The following TENM2 variants were observed in gnomAD, a reference collection of about 807,000 sequenced individuals.
TENM2 encodes the protein teneurin transmembrane protein 2.
Under a neutral mutation model 245.2 loss-of-function variants are expected in TENM2, and 52 were observed. That is an observed-to-expected ratio of 0.21 (90% CI 0.17 to 0.27). The LOEUF is 0.27. TENM2 is among the 10% of genes least tolerant of loss of function. TENM2 has a pLI of 1.00. For synonymous variants in TENM2, 1,363 were observed against 1,438.9 expected (o/e 0.95, Z 1.19); for missense variants, 3,046 against 3,666.8 (o/e 0.83, Z 4.37).
the TENM2 span, among the ~76,000 whole-genome samples, chr5:167,019,358 G>T: frequency 2.6e-5 from 4 of 152,158 alleles, no homozygotes; most frequent in East Asian, 5.8e-4. Context: ...AAGGCAAAAT[G>T]GGCTGGTAGG....
chr5:167,775,047 G>T (rs548166327), intron 2 of TENM2, among the ~76,000 whole-genome samples: 2 of 152,048 alleles, frequency 1.3e-5, no homozygotes, highest in Non-Finnish European at 2.9e-5. Context: ...TCGGCTCACC[G>T]CAACCTCCAC....
chr5:167,176,220 C>T, the TENM2 span, among the ~76,000 whole-genome samples: 3 of 152,172 alleles, frequency 2.0e-5, no homozygotes, highest in Middle Eastern at 3.2e-3. Flanking sequence ...TCTCACCCAA[C>T]CCAGTTATTT....
rs35686967 is a variant in TENM2, at chr5:168,128,963, GAA to G, written c.2422+2011_2422+2012del. 934 of 141,888 alleles carry G rather than the reference GAA, an allele frequency of 6.6e-3. 9 individuals are homozygous for G. The highest frequency in any genetic ancestry group is 0.018 in the African/African-American group (686 of 38,444). The allele number at this position is 141,888 out of a possible 1,614,324, so 8.8% of individuals were successfully genotyped here. On this transcript the variant is annotated intron_variant, in intron 12 of 28. Coordinates refer to ENST00000518659, the Ensembl canonical transcript of TENM2. ...AAGCTGCTTGTGTGGCCCGTTATGGGAAAAAAAAAAAAAAAGGCTAACTCCTG... is the reference window on the plus strand; with the variant it reads ...AAGCTGCTTGTGTGGCCCGTTATGGGAAAAAAAAAAAAAGGCTAACTCCTG...
At chr5:167,423,703 A>C (rs941045031) in intron 2 of TENM2, among the ~76,000 whole-genome samples, 1 of 152,186 alleles carries the variant, frequency 6.6e-6, no homozygotes, top group African/African-American at 2.4e-5. Context: ...TAAGCATTAT[A>C]CTGAGAAAAC....
At chr5:167,851,325 T>C (rs1421978) in intron 2 of TENM2, among the ~76,000 whole-genome samples, 66,921 of 152,020 alleles carry the variant, frequency 0.44, 16,972 homozygotes, top group Non-Finnish European at 0.57. Context: ...CTTGTGTGCA[T>C]AGTCATTGAC....
chr5:167,810,274 G>A (rs190646806), intron 2 of TENM2, among the ~76,000 whole-genome samples: 113 of 152,162 alleles, frequency 7.4e-4, no homozygotes, highest in Non-Finnish European at 1.4e-3. Flanking sequence ...ATAGTATTCT[G>A]AGGCGATGGC....
chr5:167,892,714 A>G (rs1163137529), intron 3 of TENM2, among the ~76,000 whole-genome samples: 1 of 152,210 alleles, frequency 6.6e-6, no homozygotes, highest in Non-Finnish European at 1.5e-5. Context: ...ATAGTTCTGC[A>G]AAAACCCTCT....
chr5:167,579,929 T>C (rs936182368), intron 2 of TENM2, among the ~76,000 whole-genome samples: 12 of 152,188 alleles, frequency 7.9e-5, no homozygotes, highest in Admixed American at 2.6e-4. Context: ...AGCCTTGTAC[T>C]TGGGAAGGAT....
chr5:167,843,182 CAAA>C (rs770784658), intron 2 of TENM2, among the ~76,000 whole-genome samples: 2 of 152,122 alleles, frequency 1.3e-5, no homozygotes, highest in Admixed American at 6.6e-5. Context: ...TGACTTCTGA[CAAA>C]TGATGAAACA....
At chr5:167,038,767 T>TAA in the TENM2 span, among the ~76,000 whole-genome samples, 1 of 152,170 alleles carries the variant, frequency 6.6e-6, no homozygotes, top group Non-Finnish European at 1.5e-5. Flanking sequence ...CTTTTAGAGA[T>TAA]TATTAAGAAT....
At chr5:167,033,085 T>A in the TENM2 span, among the ~76,000 whole-genome samples, 1 of 152,124 alleles carries the variant, frequency 6.6e-6, no homozygotes, top group South Asian at 2.1e-4. Flanking sequence ...AGCCCATAGG[T>A]TTGCTGGAAT....
chr5:167,993,391 A>G (rs1405876193), intron 5 of TENM2, among the ~76,000 whole-genome samples: 2 of 152,218 alleles, frequency 1.3e-5, no homozygotes, highest in Non-Finnish European at 2.9e-5. Context: ...TTTCTAAATG[A>G]CATCCATCAG....
At chr5:168,110,250 T>G (rs1238259419) in intron 9 of TENM2, among the ~76,000 whole-genome samples, 1 of 151,958 alleles carries the variant, frequency 6.6e-6, no homozygotes, top group Non-Finnish European at 1.5e-5. Context: ...AAAGGGTGCT[T>G]TACCCTGTCT....
At chr5:167,120,988 C>A in the TENM2 span, among the ~76,000 whole-genome samples, 1 of 151,638 alleles carries the variant, frequency 6.6e-6, no homozygotes, top group Non-Finnish European at 1.5e-5. Context: ...GAGCTAAAGT[C>A]AAAGATCTAG....
At chr5:167,352,556 T>C (rs1418541615) in intron 1 of TENM2, among the ~76,000 whole-genome samples, 3 of 152,238 alleles carry the variant, frequency 2.0e-5, no homozygotes, top group Non-Finnish European at 4.4e-5. Context: ...TCCCCCATTA[T>C]CTGTGTTATT....
the TENM2 span, among the ~76,000 whole-genome samples, chr5:167,192,106 G>A: frequency 6.6e-6 from 1 of 152,020 alleles, no homozygotes; most frequent in South Asian, 2.1e-4. Flanking sequence ...GGTACAGAAA[G>A]CTGTGTTCAG....
chr5:167,286,787 G>A (rs1754297983), intron 1 of TENM2, among the ~76,000 whole-genome samples: 1 of 152,140 alleles, frequency 6.6e-6, no homozygotes, highest in African/African-American at 2.4e-5. Flanking sequence ...GATGATTGTT[G>A]AATTGTAGAT....
At chr5:167,869,256 C>T (rs185953205) in intron 2 of TENM2, among the ~76,000 whole-genome samples, 2 of 152,156 alleles carry the variant, frequency 1.3e-5, no homozygotes, top group African/African-American at 4.8e-5. Flanking sequence ...CTGTTGGAGC[C>T]CAGGGTTTTA....
intron 2 of TENM2, among the ~76,000 whole-genome samples, chr5:167,847,816 T>A (rs1324946911): frequency 6.6e-6 from 1 of 152,222 alleles, no homozygotes; most frequent in Non-Finnish European, 1.5e-5. Flanking sequence ...AATCTGTGTC[T>A]CATGCAGAGA....
Sources: gnomAD v4.1 joint callset for allele counts (sites outside exome capture counted in the v4.1 genomes callset) on GRCh38, gnomAD v4.1.1 for gene constraint, MANE v1.5 for transcripts, NCBI Gene and HGNC (gene_info 2026-07-23, HGNC 2026-07-21) for gene names.